The following SCUBE1 variants were observed in gnomAD, a reference collection of about 807,000 sequenced individuals.
SCUBE1 encodes signal peptide, CUB domain and EGF like domain containing 1.
SCUBE1 carries 59 observed loss-of-function variants against 124.4 expected under a neutral mutation model. The observed-to-expected ratio is 0.47, with a 90% CI of 0.38 to 0.59. SCUBE1 has a LOEUF of 0.59. SCUBE1 is among the 20% of genes least tolerant of loss of function. SCUBE1 has a pLI of 0.00. For missense variants in SCUBE1, 1,150 were observed against 1,371.2 expected, an observed-to-expected ratio of 0.84 and a Z score of 2.55; for synonymous variants, 545 against 550.9, an observed-to-expected ratio of 0.99 and a Z score of 0.15.
intron 3 of SCUBE1, among the ~76,000 whole-genome samples, chr22:43,308,646 C>T (rs1321265870): frequency 6.6e-6 from 1 of 152,244 alleles, no homozygotes; most frequent in Non-Finnish European, 1.5e-5. Context: ...ATCAGCCCAG[C>T]GGAGGGAGAG....
In SCUBE1 at chr22:43,291,249, C is replaced by T. The variant is rs866554951; in HGVS notation, c.350-69G>A. ...TTGGAAGCAGGGCATGAGGGGCTGGCGGGACAGGGATGCAGTGAATTTCCT... is the reference window on the plus strand; with the variant it reads ...TTGGAAGCAGGGCATGAGGGGCTGGTGGGACAGGGATGCAGTGAATTTCCT... On this transcript the variant is annotated intron_variant, in intron 3 of 21. Transcript: ENST00000360835. 4.6e-5 allele frequency: 71 copies of T among 1,533,800 alleles called. 1 individual carries two copies. The Middle Eastern group carries it at 1.7e-3, about 37-fold the overall frequency.
At chr22:43,225,826 A>G (rs1447488203) in intron 10 of SCUBE1, among the ~76,000 whole-genome samples, 1 of 151,984 alleles carries the variant, frequency 6.6e-6, no homozygotes, top group Non-Finnish European at 1.5e-5. Flanking sequence ...AACACCCTCA[A>G]TGAACAACGC....
At chr22:43,262,968 C>T in intron 4 of SCUBE1, 123 bp from the exon 5 acceptor site, 1 of 1,008,734 alleles carries the variant, frequency 9.9e-7, no homozygotes. Flanking sequence ...TTGCATGTAT[C>T]ATGCACACAC....
chr22:43,249,976 C>T lies in SCUBE1; in HGVS notation c.727+8243G>A, dbSNP rs535329841. ...GCTTTGCACCTCAGTGCCCCAACTG[C>T]GTCACACAGCTGATGCACAGTGAGT... On this transcript the variant is annotated intron_variant, in intron 6 of 21. Coordinates refer to ENST00000360835, the MANE Select transcript of SCUBE1 (RefSeq NM_173050.5). Among the ~76,000 whole-genome samples, 10 of 152,386 alleles carry T rather than the reference C, an allele frequency of 6.6e-5. No homozygotes were observed. The South Asian group carries it at 8.3e-4, about 13-fold the overall frequency.
chr22:43,319,927 T>C lies in SCUBE1; in HGVS notation c.349+10A>G, dbSNP rs1926485600. 1 of 1,613,854 alleles carries C rather than the reference T, an allele frequency of 6.2e-7. No homozygotes were observed. The highest frequency in any genetic ancestry group is 8.5e-7 in the Non-Finnish European group (1 of 1,179,906). ...GTGCCCAGAGGGTAGGCTACAGCTG[T>C]ATCACTCACCCAGGCAGTTGTGTCC... On this transcript the variant is annotated intron_variant, in intron 3 of 21. Coordinates refer to ENST00000360835, the MANE Select transcript of SCUBE1 (RefSeq NM_173050.5).
At position 43,231,844 on chromosome 22, in the gene SCUBE1, G is replaced by C. The variant is rs1922565585; in HGVS notation, c.876C>G (p.Gly292=). The change falls in exon 8 of 22, where the codon GGC becomes GGG. Residue 292 remains glycine (G), a synonymous_variant. Coordinates refer to ENST00000360835, the MANE Select transcript of SCUBE1 (RefSeq NM_173050.5). ...CGGTGTTGCGGCAGAAGTGGTCGCA[G>C]CCTCCGTTGTTGACCAGGCACTCGT... ...DINECLVNNG[G]CDHFCRNTVG... 3 of 1,613,550 alleles carry C rather than the reference G, an allele frequency of 1.9e-6. No individual in the cohort carries two copies. Among genetic ancestry groups the C allele is most frequent in the Non-Finnish European group, 2.5e-6 (3 of 1,179,896 alleles).
At chr22:43,297,046 GA>G (rs1410876560) in intron 3 of SCUBE1, among the ~76,000 whole-genome samples, 1 of 152,258 alleles carries the variant, frequency 6.6e-6, no homozygotes, top group Non-Finnish European at 1.5e-5. Flanking sequence ...GAGCACAAAA[GA>G]GGGGCCTCAC....
At position 43,210,365 on chromosome 22, in the gene SCUBE1, T is replaced by G; in HGVS notation, c.2384-125A>C. 1 of 768,284 alleles carries G rather than the reference T, an allele frequency of 1.3e-6. No homozygotes were observed. The highest frequency in any genetic ancestry group is 1.9e-6 in the Non-Finnish European group (1 of 516,716). The allele number at this position is 768,284 out of a possible 1,614,324, so 47.6% of individuals were successfully genotyped here. On this transcript the variant is annotated intron_variant, in intron 18 of 21. Transcript: ENST00000360835. This position sits in a 1 kb window ranked among gnomAD's most constrained non-coding sequence, Gnocchi z 4.5. The stretch of plus-strand genomic sequence containing the variant: ...AAGGTGCTCTTGTCCCCCCCCACAC[T>G]AGCCCTCGGACCCTGAGCCCATCCT...
chr22:43,258,257 T>C lies in SCUBE1; in HGVS notation c.689A>G (p.Gln230Arg). ...TDTGPTCGCHQKYALHSDGRT... is the reference protein window; with the variant it reads ...TDTGPTCGCHRKYALHSDGRT... The stretch of plus-strand genomic sequence containing the variant: ...ACCGTCTGAGTGGAGGGCGTACTTC[T>C]GGTGGCAACCACACGTGGGGCCTGT... Residue 230 changes from glutamine to arginine, a missense_variant, in exon 6 of 22, where the codon CAG becomes CGG. Gln to Arg is a conservative substitution (Grantham distance 43). Around this residue, in one of 3 missense-constraint regions of SCUBE1, gnomAD observed 337 missense variants for 482.1 expected, o/e 0.70. Transcript: ENST00000360835. This position sits in a 1 kb window ranked among gnomAD's most constrained non-coding sequence, Gnocchi z 5.0. The C allele has an allele frequency of 1.2e-6, 2 of 1,614,098 alleles. No homozygotes were observed. The highest frequency in any genetic ancestry group is 1.7e-6 in the Non-Finnish European group (2 of 1,179,972).
chr22:43,230,077 T>G (rs1294614761), intron 8 of SCUBE1, among the ~76,000 whole-genome samples: 1 of 152,002 alleles, frequency 6.6e-6, no homozygotes, highest in Non-Finnish European at 1.5e-5. Context: ...CAAAGGCGAG[T>G]GTGCTCCCTC....
chr22:43,263,150 G>C (rs185471541), intron 4 of SCUBE1, among the ~76,000 whole-genome samples: 32 of 152,292 alleles, frequency 2.1e-4, no homozygotes, highest in African/African-American at 7.0e-4. Flanking sequence ...CTCTAGGTCA[G>C]ATTGTGGGGC....
At chr22:43,315,697 G>A (rs977552857) in intron 3 of SCUBE1, among the ~76,000 whole-genome samples, 1 of 148,776 alleles carries the variant, frequency 6.7e-6, no homozygotes, top group Non-Finnish European at 1.5e-5. Flanking sequence ...CTTGGCTGCT[G>A]TGTGTGCAAG....
At chr22:43,288,678 C>A (rs5759259) in intron 4 of SCUBE1, among the ~76,000 whole-genome samples, 17,115 of 152,238 alleles carry the variant, frequency 0.11, 1,930 homozygotes, top group East Asian at 0.5. Flanking sequence ...CCTCTCACAC[C>A]GCATCACCTC....
chr22:43,298,835 A>C (rs1176671986), intron 3 of SCUBE1, among the ~76,000 whole-genome samples: 1 of 151,916 alleles, frequency 6.6e-6, no homozygotes, highest in Admixed American at 6.6e-5. Flanking sequence ...GGCGGATCAC[A>C]AGGTCAGGAG....
chr22:43,255,793 G>A lies in SCUBE1; in HGVS notation c.727+2426C>T, dbSNP rs998086210. On this transcript the variant is annotated intron_variant, in intron 6 of 21. Transcript: ENST00000360835. This position sits in a 1 kb window ranked among gnomAD's most constrained non-coding sequence, Gnocchi z 4.7. The stretch of plus-strand genomic sequence containing the variant: ...GCAGCGAGGGCGGGGGCGGGGGGAC[G>A]TGCAGGAAAGGAGGAATGACCACAA... 6.6e-6 allele frequency among the ~76,000 whole-genome samples: 1 copy of A among 152,170 alleles called. No homozygotes were observed. Among genetic ancestry groups the A allele is most frequent in the Non-Finnish European group, 1.5e-5 (1 of 68,036 alleles).
Position 43,198,035 on chromosome 22 carries a change from T to C in SCUBE1, c.*5962A>G, listed in dbSNP as rs759315787. ...GATGGGCTTGAGTTTGATTCCCAAA[T>C]CCAGGGACTACCAACTCTTTGCCTT... On this transcript the variant is annotated 3_prime_UTR_variant, in exon 22 of 22. Coordinates refer to ENST00000360835, the MANE Select transcript of SCUBE1 (RefSeq NM_173050.5). 5.9e-4 allele frequency: 91 copies of C among 154,346 alleles called. No homozygotes were observed. Among genetic ancestry groups the C allele is most frequent in the Admixed American group, 3.1e-3 (48 of 15,672 alleles). The allele number at this position is 154,346 out of a possible 1,614,324, so 9.6% of individuals were successfully genotyped here.
At chr22:43,296,304 G>GCTGAGC (rs1925557385) in intron 3 of SCUBE1, among the ~76,000 whole-genome samples, 1 of 152,228 alleles carries the variant, frequency 6.6e-6, no homozygotes, top group Non-Finnish European at 1.5e-5. Flanking sequence ...TTGGGCCAGG[G>GCTGAGC]CTGAGCCTGC....
chr22:43,259,907 T>C (rs905030499), intron 5 of SCUBE1, among the ~76,000 whole-genome samples: 6 of 152,144 alleles, frequency 3.9e-5, no homozygotes, highest in African/African-American at 7.2e-5. Flanking sequence ...GTGACTCTTC[T>C]CCAGGGTGGA....
chr22:43,317,368 G>T (rs1926386187), intron 3 of SCUBE1, among the ~76,000 whole-genome samples: 1 of 152,206 alleles, frequency 6.6e-6, no homozygotes, highest in Admixed American at 6.5e-5. Context: ...GACTGGAGAA[G>T]ACTGAGGCTC....
Sources: gnomAD v4.1 joint callset for allele counts (sites outside exome capture counted in the v4.1 genomes callset) on GRCh38, gnomAD v4.1.1 for gene constraint, gnomAD v4.1.1 regional missense constraint, Gnocchi (gnomAD v3.1) non-coding constraint, MANE v1.5 for transcripts, NCBI Gene and HGNC (gene_info 2026-07-23, HGNC 2026-07-21) for gene names.